The following KCNAB2 variants were observed in gnomAD, a reference collection of about 807,000 sequenced individuals.
KCNAB2 encodes voltage-gated potassium channel subunit beta-2.
A neutral mutation model predicts 63.6 loss-of-function variants in KCNAB2; 29 were observed. The ratio of observed to expected loss-of-function variants is 0.46; its 90% confidence interval spans 0.34 to 0.62. KCNAB2 has a LOEUF of 0.62. Among genes scored for constraint, KCNAB2 ranks in the 20% least tolerant of loss-of-function variants. The pLI is 0.01. For missense variants in KCNAB2, 359 were observed against 563.9 expected (o/e 0.64, Z 3.68); for synonymous variants, 222 against 224.2 (o/e 0.99, Z 0.09).
At chr1:6,030,931 T>C (rs1659583445), upstream of KCNAB2, among the ~76,000 whole-genome samples, 1 of 151,294 alleles carries the variant, frequency 6.6e-6, no homozygotes, top group Non-Finnish European at 1.5e-5. Context: ...TGTAGGGGTG[T>C]GTGTGTGTGT....
chr1:6,057,048 G>C (rs1402570220), intron 2 of KCNAB2, among the ~76,000 whole-genome samples: 2 of 151,540 alleles, frequency 1.3e-5, no homozygotes, highest in Non-Finnish European at 2.9e-5. Context: ...AGTTTAGGTC[G>C]GAAGGCGCTG....
In KCNAB2 at chr1:6,078,007, C is replaced by A. The variant is rs1663825903; in HGVS notation, c.301-4188C>A. Among the ~76,000 whole-genome samples the A allele has an allele frequency of 6.7e-6, 1 of 149,828 alleles. No homozygotes were observed. Among genetic ancestry groups the A allele is most frequent in the African/African-American group, 2.5e-5 (1 of 39,756 alleles). ...GAGATCCAAACTCGGTACCCCTGAGCCTAAGTCCAGGAGTCAGCCGGGCCG... is the reference window on the plus strand; with the variant it reads ...GAGATCCAAACTCGGTACCCCTGAGACTAAGTCCAGGAGTCAGCCGGGCCG... On this transcript the variant is annotated intron_variant, in intron 4 of 15. Transcript: ENST00000378083. This position sits in a 1 kb window ranked among gnomAD's most constrained non-coding sequence, Gnocchi z 4.2.
intron 2 of KCNAB2, among the ~76,000 whole-genome samples, chr1:6,054,042 T>TAAAA (rs566086045): frequency 7.3e-6 from 1 of 137,606 alleles, no homozygotes; most frequent in Non-Finnish European, 1.6e-5. Context: ...GACCCTGTCT[T>TAAAA]AAAAAAAAAA....
intron 4 of KCNAB2, among the ~76,000 whole-genome samples, chr1:6,081,165 G>A (rs1254241367): frequency 1.3e-5 from 2 of 152,258 alleles, no homozygotes; most frequent in African/African-American, 4.8e-5. Flanking sequence ...AGCAAAGTCT[G>A]ATGCACAGCG....
chr1:6,060,297 C>T (rs952240494), intron 2 of KCNAB2, among the ~76,000 whole-genome samples: 1 of 152,250 alleles, frequency 6.6e-6, no homozygotes, highest in African/African-American at 2.4e-5. Flanking sequence ...TCAGGCCTTT[C>T]CCAGGGACCC....
At position 6,086,176 on chromosome 1, in the gene KCNAB2, T is replaced by C. The variant is rs1664680838; in HGVS notation, c.425+928T>C. ...TTTTCAGAAACATCAGAAGCAGTTA[T>C]AAAGTTGGGCCTCCCTCCTCCCTCC... On this transcript the variant is annotated intron_variant, in intron 6 of 15. Coordinates refer to ENST00000378083, the MANE Select transcript of KCNAB2 (RefSeq NM_001199862.2). This position sits in a 1 kb window ranked among gnomAD's most constrained non-coding sequence, Gnocchi z 4.2. The C allele has an allele frequency of 1.0e-6, 1 of 985,438 alleles. No homozygotes were observed. The highest frequency in any genetic ancestry group is 1.2e-6 in the Non-Finnish European group (1 of 829,930). The allele number at this position is 985,438 out of a possible 1,614,324, so 61.0% of individuals were successfully genotyped here. A position where few individuals can be genotyped will look rare whatever the true frequency, so the allele number is the denominator to read the frequency against.
At chr1:6,013,210 C>T (rs1169207571) in intron 1 of KCNAB2, among the ~76,000 whole-genome samples, 2 of 152,104 alleles carry the variant, frequency 1.3e-5, no homozygotes, top group Admixed American at 1.3e-4. Context: ...GTTCCTGTTC[C>T]GGGCATGAGG....
chr1:5,997,883 G>A (rs546697421), intron 1 of KCNAB2, among the ~76,000 whole-genome samples: 1 of 152,346 alleles, frequency 6.6e-6, no homozygotes, highest in South Asian at 2.1e-4. Context: ...AGTGAAGGGC[G>A]AAGGTCTTAG....
At chr1:6,008,633 A>C (rs950004341) in intron 1 of KCNAB2, among the ~76,000 whole-genome samples, 11 of 151,602 alleles carry the variant, frequency 7.3e-5, no homozygotes, top group Admixed American at 6.6e-4. Flanking sequence ...AAAAAAAAAA[A>C]AAAAGGATCA....
intron 1 of KCNAB2, among the ~76,000 whole-genome samples, chr1:6,002,146 A>G (rs1028699621): frequency 1.3e-5 from 2 of 152,170 alleles, no homozygotes; most frequent in Non-Finnish European, 2.9e-5. Flanking sequence ...GCCAGCAAAC[A>G]TCGTCCCCAG....
chr1:6,005,077 A>G (rs188202129), intron 1 of KCNAB2, among the ~76,000 whole-genome samples: 36 of 2,500 alleles, frequency 0.014, 1 homozygote, highest in African/African-American at 0.043. Context: ...GGGGACATGG[A>G]AGCTGAGCTG....
At chr1:6,080,418 G>A (rs1271950711) in intron 4 of KCNAB2, among the ~76,000 whole-genome samples, 1 of 152,184 alleles carries the variant, frequency 6.6e-6, no homozygotes, top group East Asian at 1.9e-4. Context: ...TCGGGCGGCG[G>A]ATGCATTTGA....
At position 6,051,629 on chromosome 1, in the gene KCNAB2, G is replaced by A. The variant is rs540717541; in HGVS notation, c.93G>A (p.Thr31=). ...WALHPVRQTD[T]LELQRLREVR... ...TGCACCCCGTCCGCCAGACGGACAC[G>A]CTGGAACTGCAGCGGCTGCGGGAGG... Residue 31 remains threonine, a synonymous_variant, in exon 2 of 16, where the codon ACG becomes ACA. Coordinates refer to ENST00000378083, the MANE Select transcript of KCNAB2 (RefSeq NM_001199862.2). The A allele has an allele frequency of 5.2e-5, 80 of 1,534,658 alleles. No individual in the cohort carries two copies. The highest frequency in any genetic ancestry group is 7.3e-5 in the East Asian group (3 of 40,916).
At chr1:6,031,666 G>C (rs1659632345), upstream of KCNAB2, among the ~76,000 whole-genome samples, 1 of 151,694 alleles carries the variant, frequency 6.6e-6, no homozygotes, top group African/African-American at 2.4e-5. This position sits in a 1 kb window ranked among gnomAD's most constrained non-coding sequence, Gnocchi z 4.1. Flanking sequence ...GCAGGAGGAT[G>C]GCTTGAGCCC....
rs745486467 is a variant in KCNAB2 at position 6,096,714 on chromosome 1, A to G, written c.1027A>G (p.Ile343Val). 1.9e-6 allele frequency: 3 copies of G among 1,597,822 alleles called. No individual in the cohort carries two copies. Among genetic ancestry groups the G allele is most frequent in the South Asian group, 2.3e-5 (2 of 88,400 alleles). ...QQAKLKELQAIAERLGCTLPQ... is the reference protein window; with the variant it reads ...QQAKLKELQAVAERLGCTLPQ... ...AGCCAAGCTGAAGGAGCTGCAGGCC[A>G]TCGCCGAGCGCCTGGGCTGCACCCT... Residue 343 changes from isoleucine (I) to valine (V), a missense_variant, in exon 14 of 16, where the codon ATC (isoleucine) becomes GTC (valine). Physicochemically the swap from Ile to Val is conservative, Grantham distance 29. This residue lies in a region of KCNAB2 where 271 missense variants were observed against 476.1 expected (regional missense o/e 0.57). Coordinates refer to ENST00000378083, the MANE Select transcript of KCNAB2 (RefSeq NM_001199862.2). The surrounding 1 kb of genome is among the most constrained non-coding windows in gnomAD (Gnocchi z 5.9).
At chr1:5,995,403 G>C (rs1029040735) in intron 1 of KCNAB2, among the ~76,000 whole-genome samples, 2 of 152,236 alleles carry the variant, frequency 1.3e-5, no homozygotes, top group Admixed American at 6.5e-5. Flanking sequence ...GGCTGTCCGA[G>C]CTGGGGGAAG....
At chr1:6,002,404 G>C (rs994657757) in intron 1 of KCNAB2, among the ~76,000 whole-genome samples, 2 of 152,236 alleles carry the variant, frequency 1.3e-5, no homozygotes, top group Admixed American at 6.5e-5. Flanking sequence ...GCAGGAGGCG[G>C]GGATGCACCT....
chr1:6,082,770 G>A (rs911352143), intron 5 of KCNAB2, among the ~76,000 whole-genome samples: 30 of 152,188 alleles, frequency 2.0e-4, no homozygotes, highest in African/African-American at 6.8e-4. Context: ...TTAAAGACTG[G>A]CTGTAATCAA....
chr1:6,025,433 C>T (rs1659084894), intron 1 of KCNAB2, among the ~76,000 whole-genome samples: 1 of 152,180 alleles, frequency 6.6e-6, no homozygotes, highest in Non-Finnish European at 1.5e-5. Context: ...GAGCCTGGCC[C>T]CAGGCTCAGC....
Sources: gnomAD v4.1 joint callset for allele counts (sites outside exome capture counted in the v4.1 genomes callset) on GRCh38, gnomAD v4.1.1 for gene constraint, gnomAD v4.1.1 regional missense constraint, Gnocchi (gnomAD v3.1) non-coding constraint, MANE v1.5 for transcripts, NCBI Gene and HGNC (gene_info 2026-07-23, HGNC 2026-07-21) for gene names.